Variants in TAF3 observed in about 807,000 individuals in gnomAD.
The protein encoded by TAF3 is TATA-box binding protein associated factor 3.
In TAF3, 7 loss-of-function variants were observed where a neutral mutation model predicts 80.6. The ratio of observed to expected loss-of-function variants is 0.09; its 90% confidence interval spans 0.05 to 0.16. TAF3 has a LOEUF of 0.16. Ranked by LOEUF, TAF3 falls within the 10% of genes least tolerant of loss-of-function variation. The probability of loss-of-function intolerance (pLI) is 1.00; values close to 1 mark genes in which losing one functional copy is unlikely to be tolerated. For synonymous variants in TAF3, 444 were observed against 446.1 expected, an observed-to-expected ratio of 1.00 and a Z score of 0.06; for missense variants, 921 against 1,140.2, an observed-to-expected ratio of 0.81 and a Z score of 2.77.
intron 2 of TAF3, among the ~76,000 whole-genome samples, chr10:7,865,220 C>G (rs969689990): frequency 2.6e-5 from 4 of 152,078 alleles, no homozygotes; most frequent in African/African-American, 7.2e-5. Flanking sequence ...GTAATCCCAG[C>G]ACTCTGGGAG....
chr10:7,924,026 A>G (rs1036696735), intron 2 of TAF3, among the ~76,000 whole-genome samples: 4 of 152,180 alleles, frequency 2.6e-5, no homozygotes, highest in African/African-American at 9.6e-5. Flanking sequence ...TGTAGTTGAC[A>G]GTATTTAGGC....
At chr10:8,005,464 G>T (rs529045924) in intron 4 of TAF3, among the ~76,000 whole-genome samples, 2 of 152,182 alleles carry the variant, frequency 1.3e-5, no homozygotes, top group African/African-American at 2.4e-5. Flanking sequence ...TGCCATTCTC[G>T]TGCATCTTTA....
At chr10:7,921,361 A>G (rs1291173775) in intron 2 of TAF3, among the ~76,000 whole-genome samples, 3 of 152,098 alleles carry the variant, frequency 2.0e-5, no homozygotes, top group Non-Finnish European at 4.4e-5. Context: ...CTTTTTAGTC[A>G]TCTATTACTT....
intron 2 of TAF3, among the ~76,000 whole-genome samples, chr10:7,852,247 C>T (rs1243048624): frequency 6.6e-6 from 1 of 152,232 alleles, no homozygotes; most frequent in East Asian, 1.9e-4. Flanking sequence ...ACCTAGCTAG[C>T]CACTAATTCT....
rs1022320633 is a variant in TAF3 at position 7,899,311 on chromosome 10, G to A, written c.410-64609G>A. Among the ~76,000 whole-genome samples, 8 of 152,020 alleles carry A rather than the reference G, an allele frequency of 5.3e-5. No individual in the cohort carries two copies. The South Asian group carries it at 6.2e-4, about 12-fold the overall frequency. Reference sequence around the variant, plus strand: ...CTTCTGCCCAAGGGAAGAAGGAATCGCTGCCTGGCTACTTGAGGTTGTGAT... The same window carrying A: ...CTTCTGCCCAAGGGAAGAAGGAATCACTGCCTGGCTACTTGAGGTTGTGAT... On this transcript the variant is annotated intron_variant, in intron 2 of 6. Transcript: ENST00000344293.
At chr10:7,869,801 A>G (rs1189169596) in intron 2 of TAF3, among the ~76,000 whole-genome samples, 2 of 152,228 alleles carry the variant, frequency 1.3e-5, no homozygotes, top group South Asian at 2.1e-4. Flanking sequence ...TCTTTGGCAG[A>G]CTGGTGAAAA....
intron 4 of TAF3, among the ~76,000 whole-genome samples, chr10:7,996,305 G>A (rs949577715): frequency 8.5e-5 from 13 of 152,208 alleles, no homozygotes; most frequent in Middle Eastern, 6.8e-3. Context: ...TCTTCATAAG[G>A]CAGCTTCAGC....
chr10:7,912,944 C>T (rs265933), intron 2 of TAF3, among the ~76,000 whole-genome samples: 44,267 of 152,000 alleles, frequency 0.29, 6,730 homozygotes, highest in African/African-American at 0.38. Flanking sequence ...GACTGGGTGG[C>T]TTAAGCAACA....
intron 2 of TAF3, among the ~76,000 whole-genome samples, chr10:7,912,189 G>A (rs905115131): frequency 9.9e-5 from 15 of 152,188 alleles, no homozygotes; most frequent in African/African-American, 3.6e-4. Flanking sequence ...AATAAAATAT[G>A]AAGTTGAAGC....
At chr10:7,988,599 A>AAAAAAAAAAAAAAAAC (rs1831801727) in intron 4 of TAF3, among the ~76,000 whole-genome samples, 1 of 145,112 alleles carries the variant, frequency 6.9e-6, no homozygotes, top group Non-Finnish European at 1.5e-5. Flanking sequence ...AAAAAAAAAA[A>AAAAAAAAAAAAAAAAC]AAGAAGCCAG....
At chr10:7,883,629 G>T (rs575868435) in intron 2 of TAF3, among the ~76,000 whole-genome samples, 2 of 152,234 alleles carry the variant, frequency 1.3e-5, no homozygotes, top group Admixed American at 6.5e-5. Flanking sequence ...ATTCCTAATA[G>T]TTGCTGGATG....
intron 4 of TAF3, among the ~76,000 whole-genome samples, chr10:7,988,387 C>T (rs112130428): frequency 0.011 from 1,646 of 151,626 alleles, 19 homozygotes; most frequent in Middle Eastern, 0.031. Context: ...ATCAGGAGTT[C>T]GAGACCAGCC....
chr10:7,861,123 G>A (rs1051935516), intron 2 of TAF3, among the ~76,000 whole-genome samples: 4 of 152,074 alleles, frequency 2.6e-5, no homozygotes, highest in African/African-American at 7.2e-5. Flanking sequence ...CACTATGCCC[G>A]GCTAATTTTT....
At chr10:7,923,667 T>C (rs547964874) in intron 2 of TAF3, among the ~76,000 whole-genome samples, 1 of 151,592 alleles carries the variant, frequency 6.6e-6, no homozygotes, top group East Asian at 1.9e-4. Flanking sequence ...GAGTAGCGGA[T>C]ACCTGATGGC....
chr10:7,894,406 T>C (rs1184344711), intron 2 of TAF3, among the ~76,000 whole-genome samples: 1 of 152,150 alleles, frequency 6.6e-6, no homozygotes, highest in Non-Finnish European at 1.5e-5. Context: ...CTCAGCGCCA[T>C]CTGGTTTGGA....
chr10:8,001,933 C>T (rs1210694749), intron 4 of TAF3, among the ~76,000 whole-genome samples: 3 of 152,080 alleles, frequency 2.0e-5, no homozygotes, highest in South Asian at 2.1e-4. Context: ...CTATAACAGC[C>T]GGCAAACAGT....
chr10:7,952,407 T>C (rs1236954462), intron 2 of TAF3, among the ~76,000 whole-genome samples: 1 of 152,212 alleles, frequency 6.6e-6, no homozygotes, highest in Non-Finnish European at 1.5e-5. Flanking sequence ...TTATCATAAA[T>C]CATATCATAA....
intron 2 of TAF3, among the ~76,000 whole-genome samples, chr10:7,842,013 C>G (rs1268503137): frequency 6.6e-6 from 1 of 151,706 alleles, no homozygotes; most frequent in Non-Finnish European, 1.5e-5. Flanking sequence ...GGGCTTTTAC[C>G]AAATGACTGC....
chr10:7,881,490 A>C (rs199800802), intron 2 of TAF3, among the ~76,000 whole-genome samples: 1 of 148,792 alleles, frequency 6.7e-6, no homozygotes, highest in South Asian at 2.1e-4. Flanking sequence ...CATACACACA[A>C]ACACACACAC....
Sources: gnomAD v4.1 joint callset for allele counts (sites outside exome capture counted in the v4.1 genomes callset) on GRCh38, gnomAD v4.1.1 for gene constraint, MANE v1.5 for transcripts, NCBI Gene and HGNC (gene_info 2026-07-23, HGNC 2026-07-21) for gene names.